The following DSCAM variants were observed in gnomAD, a reference collection of about 807,000 sequenced individuals.
DSCAM encodes cell adhesion molecule DSCAM.
DSCAM carries 47 observed loss-of-function variants against 217.7 expected under a neutral mutation model. That is an observed-to-expected ratio of 0.22 (90% CI 0.17 to 0.28). DSCAM has a LOEUF of 0.28. Ranked by LOEUF, DSCAM falls within the 10% of genes least tolerant of loss-of-function variation. DSCAM has a pLI of 1.00. For synonymous variants in DSCAM, 1,056 were observed against 1,015.3 expected (o/e 1.04, Z -0.76); for missense variants, 2,080 against 2,618.3 (o/e 0.79, Z 4.49).
At chr21:40,092,507 G>A (rs2205129) in intron 21 of DSCAM, among the ~76,000 whole-genome samples, 53,078 of 152,076 alleles carry the variant, frequency 0.35, 9,765 homozygotes, top group African/African-American at 0.45. Context: ...ACCTGCTTCT[G>A]TGAGAGTTTT....
intron 3 of DSCAM, among the ~76,000 whole-genome samples, chr21:40,523,808 C>T (rs1175900137): frequency 1.3e-5 from 2 of 152,142 alleles, no homozygotes. Context: ...CAAACACACA[C>T]ACACACACAC....
At chr21:40,085,854 C>G in intron 22 of DSCAM, 89 bp from the exon 23 acceptor site, 2 of 1,164,584 alleles carry the variant, frequency 1.7e-6, no homozygotes, top group Non-Finnish European at 2.3e-6. Flanking sequence ...CTCTGTGAAG[C>G]AAACCACACA....
intron 11 of DSCAM, among the ~76,000 whole-genome samples, chr21:40,191,989 A>C (rs1435207684): frequency 2.0e-5 from 3 of 152,184 alleles, no homozygotes; most frequent in Non-Finnish European, 4.4e-5. Context: ...ATATAAGGTC[A>C]TATTCCAAGG....
intron 11 of DSCAM, among the ~76,000 whole-genome samples, chr21:40,219,771 T>C (rs2091274783): frequency 1.3e-5 from 2 of 152,214 alleles, no homozygotes; most frequent in African/African-American, 4.8e-5. Flanking sequence ...ATAAAACCAA[T>C]AACCAACAAG....
At chr21:40,100,032 C>G (rs1338217983) in intron 20 of DSCAM, among the ~76,000 whole-genome samples, 2 of 152,152 alleles carry the variant, frequency 1.3e-5, no homozygotes, top group African/African-American at 4.8e-5. Context: ...TAGAGTGAAG[C>G]AGGGTAAGGA....
chr21:40,220,797 C>T (rs574616588), intron 11 of DSCAM, among the ~76,000 whole-genome samples: 14 of 152,214 alleles, frequency 9.2e-5, no homozygotes, highest in Admixed American at 4.6e-4. Flanking sequence ...GTGTGAAAAG[C>T]GGTAGGAAAT....
intron 3 of DSCAM, among the ~76,000 whole-genome samples, chr21:40,443,897 C>T (rs925130669): frequency 6.6e-6 from 1 of 152,140 alleles, no homozygotes; most frequent in Non-Finnish European, 1.5e-5. Flanking sequence ...AGTTGACAAA[C>T]AGGCATTTAT....
At chr21:40,030,252 ATGAC>A (rs1340196079) in intron 32 of DSCAM, among the ~76,000 whole-genome samples, 1 of 152,132 alleles carries the variant, frequency 6.6e-6, no homozygotes, top group Non-Finnish European at 1.5e-5. Flanking sequence ...TGGACACTAA[ATGAC>A]TGGTCCTGTT....
intron 4 of DSCAM, among the ~76,000 whole-genome samples, chr21:40,365,652 T>C (rs66589161): frequency 0.086 from 13,104 of 152,176 alleles, 679 homozygotes; most frequent in East Asian, 0.22. Flanking sequence ...TACTAACCTT[T>C]CAGAAGAGTT....
At chr21:40,204,426 A>C (rs2091102313) in intron 11 of DSCAM, among the ~76,000 whole-genome samples, 1 of 152,232 alleles carries the variant, frequency 6.6e-6, no homozygotes, top group Non-Finnish European at 1.5e-5. Context: ...TGTGAAAGCC[A>C]AGATGATGCA....
intron 1 of DSCAM, among the ~76,000 whole-genome samples, chr21:40,755,279 C>G (rs2091264463): frequency 6.6e-6 from 1 of 152,048 alleles, no homozygotes; most frequent in Non-Finnish European, 1.5e-5. Context: ...AACACTGTCT[C>G]TACTAAAAAT....
At position 40,312,116 on chromosome 21, in the gene DSCAM, G is replaced by A. The variant is rs775595691; in HGVS notation, c.2027C>T (p.Ala676Val). The A allele has an allele frequency of 6.2e-7, 1 of 1,613,986 alleles. No individual in the cohort carries two copies. ...NYTCIARNEA[A>V]AVEHQSQLIV... ...CAACTGGCTTTGGTGCTCCACAGCGGCGGCCTCATTCCGGGCTATGCAGGT... is the reference window on the plus strand; with the variant it reads ...CAACTGGCTTTGGTGCTCCACAGCGACGGCCTCATTCCGGGCTATGCAGGT... The change falls in exon 9 of 33, where the codon GCC (alanine) becomes GTC (valine). Residue 676 changes from alanine to valine, a missense_variant. Physicochemically the swap from Ala to Val is moderately conservative, Grantham distance 64. Around this residue, in one of 5 missense-constraint regions of DSCAM, gnomAD observed 218 missense variants for 364.1 expected, o/e 0.60. Transcript: ENST00000400454.
chr21:40,579,853 T>C (rs1243939951), intron 3 of DSCAM, among the ~76,000 whole-genome samples: 1 of 152,136 alleles, frequency 6.6e-6, no homozygotes, highest in East Asian at 1.9e-4. Flanking sequence ...GATTTTTCTT[T>C]GGTACTAAGA....
chr21:40,565,911 G>A (rs1238822741), intron 3 of DSCAM, among the ~76,000 whole-genome samples: 1 of 152,050 alleles, frequency 6.6e-6, no homozygotes, highest in African/African-American at 2.4e-5. Context: ...CAGCATGAAC[G>A]CATGAACCAA....
chr21:40,654,734 C>T (rs2090054434), intron 3 of DSCAM, among the ~76,000 whole-genome samples: 1 of 152,192 alleles, frequency 6.6e-6, no homozygotes, highest in South Asian at 2.1e-4. Flanking sequence ...ACTTGACTCT[C>T]CTGACTCTGA....
intron 1 of DSCAM, among the ~76,000 whole-genome samples, chr21:40,824,637 A>C (rs1306542314): frequency 6.6e-6 from 1 of 151,302 alleles, no homozygotes; most frequent in Non-Finnish European, 1.5e-5. Flanking sequence ...CTGGTTTCAA[A>C]CTCCTGGGCT....
At chr21:40,138,652 G>T (rs181011860) in intron 18 of DSCAM, among the ~76,000 whole-genome samples, 143 of 145,448 alleles carry the variant, frequency 9.8e-4, no homozygotes, top group African/African-American at 3.0e-3. Flanking sequence ...GTGTGTGGGG[G>T]GTGTGTGTGG....
intron 15 of DSCAM, among the ~76,000 whole-genome samples, chr21:40,167,838 G>A (rs1317943424): frequency 1.3e-5 from 2 of 152,114 alleles, no homozygotes; most frequent in Admixed American, 6.6e-5. Flanking sequence ...AGGCCGACGC[G>A]GGCAATCACG....
intron 1 of DSCAM, among the ~76,000 whole-genome samples, chr21:40,724,842 A>G (rs1411197968): frequency 1.3e-5 from 2 of 152,220 alleles, no homozygotes; most frequent in Non-Finnish European, 2.9e-5. Flanking sequence ...GAACTTCACT[A>G]TGTTCAGAAG....
Sources: gnomAD v4.1 joint callset for allele counts (sites outside exome capture counted in the v4.1 genomes callset) on GRCh38, gnomAD v4.1.1 for gene constraint, gnomAD v4.1.1 regional missense constraint, MANE v1.5 for transcripts, NCBI Gene and HGNC (gene_info 2026-07-23, HGNC 2026-07-21) for gene names.